The following SLC6A6 variants were observed in gnomAD, a reference collection of about 807,000 sequenced individuals.
SLC6A6 encodes the protein solute carrier family 6 member 6, also known as sodium- and chloride-dependent taurine transporter.
In SLC6A6, 16 loss-of-function variants were observed where a neutral mutation model predicts 68.8. The observed-to-expected ratio is 0.23, with a 90% CI of 0.16 to 0.35. SLC6A6 has a LOEUF of 0.35. Ranked by LOEUF, SLC6A6 falls within the 10% of genes least tolerant of loss-of-function variation. The pLI is 1.00. For missense variants in SLC6A6, 474 were observed against 802.8 expected (o/e 0.59, Z 4.95); for synonymous variants, 312 against 315.4 (o/e 0.99, Z 0.12).
chr3:14,435,683 CA>C (rs2124930764), intron 2 of SLC6A6, among the ~76,000 whole-genome samples: 1 of 152,286 alleles, frequency 6.6e-6, no homozygotes, highest in South Asian at 2.1e-4. Context: ...GACCTGGGGG[CA>C]ATAGTGTGAC....
chr3:14,464,472 T>C (rs2124976306), intron 6 of SLC6A6, among the ~76,000 whole-genome samples: 1 of 152,342 alleles, frequency 6.6e-6, no homozygotes, highest in East Asian at 1.9e-4. Flanking sequence ...GGAACAGTGC[T>C]AGGCACACAG....
Position 14,426,338 on chromosome 3 carries a change from C to T in SLC6A6, c.-12+9885C>T, listed in dbSNP as rs185735960. 8.1e-3 allele frequency among the ~76,000 whole-genome samples: 1,233 copies of T among 152,280 alleles called. 17 individuals are homozygous for T. The highest frequency in any genetic ancestry group is 0.026 in the African/African-American group (1,084 of 41,546). On this transcript the variant is annotated intron_variant, in intron 2 of 14. Coordinates refer to ENST00000622186, the MANE Select transcript of SLC6A6 (RefSeq NM_003043.6). ...CATTTGGGGTAAGTCCCCCCCCAGCCATCCCAAAGGGTGGCTGGTTAAGGA... is the reference window on the plus strand; with the variant it reads ...CATTTGGGGTAAGTCCCCCCCCAGCTATCCCAAAGGGTGGCTGGTTAAGGA...
intron 4 of SLC6A6, 83 bp from the exon 5 acceptor site, chr3:14,447,499 C>T: frequency 2.5e-6 from 4 of 1,569,074 alleles, no homozygotes; most frequent in South Asian, 2.4e-5. Context: ...CCTGGGGATA[C>T]CATGGCCTTC....
intron 2 of SLC6A6, among the ~76,000 whole-genome samples, chr3:14,419,618 C>T (rs34750196): frequency 2.6e-5 from 4 of 152,152 alleles, no homozygotes; most frequent in Non-Finnish European, 5.9e-5. Context: ...TAACCCACCC[C>T]TGAAATGGAG....
intron 1 of SLC6A6, 26 bp from the exon 2 acceptor site, chr3:14,416,386 G>A (rs931447298): frequency 2.6e-5 from 10 of 390,702 alleles, no homozygotes; most frequent in Non-Finnish European, 3.5e-5. Flanking sequence ...TCTTTCTTCC[G>A]TCTTCGCTTC....
chr3:14,427,539 T>C (rs1296200762), intron 2 of SLC6A6, among the ~76,000 whole-genome samples: 2 of 152,180 alleles, frequency 1.3e-5, no homozygotes, highest in African/African-American at 4.8e-5. Context: ...GGCTGATCTG[T>C]CATTCAATAA....
rs1389477876 is a variant in SLC6A6, at chr3:14,410,299, A to G, written c.-53-6113A>G. Among the ~76,000 whole-genome samples the G allele has an allele frequency of 2.0e-5, 3 of 152,146 alleles. No individual in the cohort carries two copies. The East Asian group carries it at 5.8e-4, about 29-fold the overall frequency. On this transcript the variant is annotated intron_variant, in intron 1 of 14. Coordinates refer to ENST00000622186, the MANE Select transcript of SLC6A6 (RefSeq NM_003043.6). ...CCCTTGACAGGGAGGGATTTAAGGA[A>G]AGGGTTAATGCCTCCACCTCAAACC...
At chr3:14,406,084 C>T (rs565891429) in intron 1 of SLC6A6, among the ~76,000 whole-genome samples, 26 of 152,210 alleles carry the variant, frequency 1.7e-4, no homozygotes, top group African/African-American at 6.3e-4. Flanking sequence ...GGCACAGTGG[C>T]GTGAAATAGC....
chr3:14,419,772 C>T (rs2124909661), intron 2 of SLC6A6, among the ~76,000 whole-genome samples: 1 of 152,236 alleles, frequency 6.6e-6, no homozygotes, highest in East Asian at 1.9e-4. Flanking sequence ...TGCAATTTCT[C>T]ATTTTATCCC....
At chr3:14,441,297 A>C (rs1030172104) in intron 2 of SLC6A6, among the ~76,000 whole-genome samples, 5 of 151,188 alleles carry the variant, frequency 3.3e-5, no homozygotes, top group African/African-American at 1.2e-4. Flanking sequence ...CACATCCTCC[A>C]ATTATGCGCC....
In SLC6A6 at chr3:14,467,939, C is replaced by A; in HGVS notation, c.954C>A (p.Tyr318Ter). 6.2e-7 allele frequency: 1 copy of A among 1,613,010 alleles called. No individual in the cohort carries two copies. The change falls in exon 8 of 15, where the codon TAC becomes TAA. Residue 318 changes from tyrosine to a stop codon, truncating the protein, a stop_gained. Transcript: ENST00000622186. LOFTEE classifies it high-confidence loss of function. ...AMTSLGSYNK[Y>*]KYNSYRDCML... is the part of the protein sequence containing the mutation. ...CCTCGCTGGGGAGCTACAACAAGTACAAGTATAACTCGTACAGGCAAGTGT... is the reference window on the plus strand; with the variant it reads ...CCTCGCTGGGGAGCTACAACAAGTAAAAGTATAACTCGTACAGGCAAGTGT...
At chr3:14,407,255 G>T (rs1699130777) in intron 1 of SLC6A6, among the ~76,000 whole-genome samples, 1 of 152,008 alleles carries the variant, frequency 6.6e-6, no homozygotes, top group Admixed American at 6.6e-5. Context: ...TCACCATGTT[G>T]CCTGGGCTGG....
At chr3:14,462,769 C>G (rs1052911987) in intron 6 of SLC6A6, among the ~76,000 whole-genome samples, 1 of 152,126 alleles carries the variant, frequency 6.6e-6, no homozygotes, top group Non-Finnish European at 1.5e-5. Context: ...CACGATGTCT[C>G]TCAGCAAATC....
chr3:14,409,061 G>A (rs1699176994), intron 1 of SLC6A6, among the ~76,000 whole-genome samples: 1 of 152,210 alleles, frequency 6.6e-6, no homozygotes, highest in African/African-American at 2.4e-5. Context: ...GCCCGCCTCG[G>A]CCTCCCAAAG....
intron 2 of SLC6A6, among the ~76,000 whole-genome samples, chr3:14,438,218 GTTT>G (rs202033964): frequency 1.4e-5 from 2 of 147,026 alleles, no homozygotes; most frequent in African/African-American, 5.0e-5. Context: ...CAATGTGGCT[GTTT>G]TTTTTTTTTA....
chr3:14,424,347 A>G (rs1352880246), intron 2 of SLC6A6, among the ~76,000 whole-genome samples: 1 of 148,928 alleles, frequency 6.7e-6, no homozygotes, highest in Non-Finnish European at 1.5e-5. Flanking sequence ...TGCTTTGGGC[A>G]CGCAAAGTTA....
chr3:14,466,810 G>A (rs1329627400), intron 7 of SLC6A6, among the ~76,000 whole-genome samples, 160 bp downstream of exon 7: 1 of 152,234 alleles, frequency 6.6e-6, no homozygotes, highest in Non-Finnish European at 1.5e-5. Context: ...CACCGGGCCT[G>A]TGGCGGGTGT....
chr3:14,444,610 G>C, intron 3 of SLC6A6: 1 of 401,718 alleles, frequency 2.5e-6, no homozygotes, highest in Non-Finnish European at 5.0e-6. Flanking sequence ...AACTGCTCAC[G>C]GCTGGTGACT....
At chr3:14,431,695 A>AC (rs1478599716) in intron 2 of SLC6A6, among the ~76,000 whole-genome samples, 1 of 152,142 alleles carries the variant, frequency 6.6e-6, no homozygotes, top group Non-Finnish European at 1.5e-5. Context: ...GGCACCGGTG[A>AC]CCGACAGTGC....
Sources: gnomAD v4.1 joint callset for allele counts (sites outside exome capture counted in the v4.1 genomes callset) on GRCh38, gnomAD v4.1.1 for gene constraint, MANE v1.5 for transcripts, NCBI Gene and HGNC (gene_info 2026-07-23, HGNC 2026-07-21) for gene names.